The following DCDC2C variants were observed in gnomAD, a reference collection of about 807,000 sequenced individuals.
DCDC2C encodes doublecortin domain-containing protein 2C.
In DCDC2C, 44 loss-of-function variants were observed where a neutral mutation model predicts 45.0. The observed-to-expected ratio is 0.98, with a 90% confidence interval of 0.77 to 1.26. The LOEUF (loss-of-function observed/expected upper bound fraction) is 1.26, where lower values mean the gene tolerates loss of function less well. Among genes scored for constraint, DCDC2C ranks in the 50% most tolerant of loss-of-function variants. The probability of loss-of-function intolerance (pLI) is 0.00; values close to 1 mark genes in which losing one functional copy is unlikely to be tolerated. For missense variants in DCDC2C, 447 were observed against 468.9 expected, an observed-to-expected ratio of 0.95 and a Z score of 0.43; for synonymous variants, 187 against 178.8, an observed-to-expected ratio of 1.05 and a Z score of -0.37.
At chr2:3,755,873 T>C (rs1348171000) in intron 6 of DCDC2C, among the ~76,000 whole-genome samples, 2 of 152,170 alleles carry the variant, frequency 1.3e-5, no homozygotes, top group Admixed American at 1.3e-4. Context: ...GATGCATATG[T>C]GTGCATGTGT....
Position 3,785,113 on chromosome 2 carries a change from A to G in DCDC2C, c.1065+13A>G. On this transcript the variant is annotated intron_variant, in intron 10 of 10. Coordinates refer to ENST00000399143, the MANE Select transcript of DCDC2C (RefSeq NM_001287444.2). ...CGTTGAAAGAAAGGTTTGTATCAAC[A>G]ACAAATGCTGTAGTTTTGCGTTTTC... 8.1e-7 allele frequency: 1 copy of G among 1,231,724 alleles called. No individual in the cohort carries two copies. The highest frequency in any genetic ancestry group is 1.0e-6 in the Non-Finnish European group (1 of 987,918). The allele number at this position is 1,231,724 out of a possible 1,614,324, so 76.3% of individuals were successfully genotyped here. A position where few individuals can be genotyped will look rare whatever the true frequency, so the allele number is the denominator to read the frequency against.
intron 10 of DCDC2C, among the ~76,000 whole-genome samples, chr2:3,821,689 T>A (rs2148224609): frequency 6.6e-6 from 1 of 152,380 alleles, no homozygotes; most frequent in East Asian, 1.9e-4. Context: ...TTACATTGAT[T>A]GATTTTTCAA....
chr2:3,774,477 C>G (rs555267345), intron 8 of DCDC2C, among the ~76,000 whole-genome samples: 2 of 152,232 alleles, frequency 1.3e-5, no homozygotes, highest in African/African-American at 4.8e-5. Flanking sequence ...CACCTTTGGC[C>G]TTGGGCTTGT....
chr2:3,741,068 A>G (rs1669191461), intron 3 of DCDC2C, among the ~76,000 whole-genome samples: 1 of 152,216 alleles, frequency 6.6e-6, no homozygotes, highest in Non-Finnish European at 1.5e-5. Context: ...GTCTTTGATT[A>G]TGGCATAGTC....
At chr2:3,794,003 A>G (rs1010790740) in intron 10 of DCDC2C, among the ~76,000 whole-genome samples, 2 of 152,262 alleles carry the variant, frequency 1.3e-5, no homozygotes, top group African/African-American at 4.8e-5. Flanking sequence ...CTACACCAAA[A>G]CTTGACAAGT....
intron 10 of DCDC2C, among the ~76,000 whole-genome samples, chr2:3,791,632 T>G (rs188988678): frequency 5.9e-5 from 9 of 152,330 alleles, no homozygotes; most frequent in Non-Finnish European, 8.8e-5. Context: ...TCTCATCCTC[T>G]TTCCCTCTCC....
At chr2:3,816,197 A>G (rs1671554526) in intron 10 of DCDC2C, among the ~76,000 whole-genome samples, 1 of 152,208 alleles carries the variant, frequency 6.6e-6, no homozygotes, top group Admixed American at 6.5e-5. Flanking sequence ...GTGGTTTTGT[A>G]TGAATTGAGG....
chr2:3,798,310 T>C (rs2148198343), intron 10 of DCDC2C, among the ~76,000 whole-genome samples: 1 of 151,600 alleles, frequency 6.6e-6, no homozygotes, highest in Non-Finnish European at 1.5e-5. Context: ...CTGATGGGTC[T>C]TGACTCTTTA....
chr2:3,800,242 G>A (rs981412504), intron 10 of DCDC2C, among the ~76,000 whole-genome samples: 2 of 152,150 alleles, frequency 1.3e-5, no homozygotes, highest in African/African-American at 2.4e-5. Context: ...CACGGTGCGC[G>A]CACCCACTGA....
At chr2:3,730,546 G>A (rs564542031) in intron 3 of DCDC2C, among the ~76,000 whole-genome samples, 3 of 152,210 alleles carry the variant, frequency 2.0e-5, no homozygotes, top group South Asian at 2.1e-4. Flanking sequence ...GGGAAGAAGA[G>A]AGCCCCCTGC....
chr2:3,725,865 G>GA (rs1404234187), intron 2 of DCDC2C: 8 of 161,966 alleles, frequency 4.9e-5, no homozygotes, highest in East Asian at 1.9e-4. Context: ...GAGGCTGCCA[G>GA]GTGGATCCTG....
chr2:3,791,247 G>T (rs1239226779), intron 10 of DCDC2C, among the ~76,000 whole-genome samples: 1 of 152,206 alleles, frequency 6.6e-6, no homozygotes, highest in Non-Finnish European at 1.5e-5. Flanking sequence ...TGCTCTTCAT[G>T]AATAAAACAC....
intron 10 of DCDC2C, among the ~76,000 whole-genome samples, chr2:3,814,138 C>T (rs1309103503): frequency 6.6e-6 from 1 of 152,020 alleles, no homozygotes; most frequent in Non-Finnish European, 1.5e-5. Context: ...TTCCATTTTC[C>T]CCACCTCCTT....
intron 2 of DCDC2C, among the ~76,000 whole-genome samples, chr2:3,726,638 T>G (rs1258299078): frequency 6.6e-6 from 1 of 152,170 alleles, no homozygotes; most frequent in Non-Finnish European, 1.5e-5. Context: ...GCAAAGCTCC[T>G]CGGCATAGTA....
At chr2:3,781,726 C>G (rs1038271241) in intron 9 of DCDC2C, among the ~76,000 whole-genome samples, 12 of 152,004 alleles carry the variant, frequency 7.9e-5, no homozygotes, top group Admixed American at 5.2e-4. Flanking sequence ...AAAAGGTAGC[C>G]AGGTGCAGTG....
intron 10 of DCDC2C, among the ~76,000 whole-genome samples, chr2:3,813,002 G>C (rs57673215): frequency 5.4e-5 from 8 of 148,066 alleles, no homozygotes; most frequent in Non-Finnish European, 1.0e-4. Context: ...TTATGTGGTC[G>C]ATTTTAGAAT....
At chr2:3,755,644 T>C (rs911284568) in intron 6 of DCDC2C, among the ~76,000 whole-genome samples, 2 of 152,016 alleles carry the variant, frequency 1.3e-5, no homozygotes, top group Non-Finnish European at 2.9e-5. Flanking sequence ...TATGACTACA[T>C]ATGTGTGTGT....
chr2:3,837,807 G>A (rs1005041584), intron 10 of DCDC2C, among the ~76,000 whole-genome samples: 2 of 152,198 alleles, frequency 1.3e-5, no homozygotes, highest in African/African-American at 4.8e-5. Context: ...TGTGGAGTCC[G>A]TGCGTGGTGG....
intron 4 of DCDC2C, among the ~76,000 whole-genome samples, chr2:3,747,166 A>T (rs956966437): frequency 6.6e-6 from 1 of 152,156 alleles, no homozygotes; most frequent in Non-Finnish European, 1.5e-5. Context: ...CAGCACACAC[A>T]TGTGTGTTCC....
Sources: allele counts gnomAD v4.1 joint callset (sites outside exome capture counted in the v4.1 genomes callset), GRCh38; gene constraint gnomAD v4.1.1; transcripts MANE v1.5; gene names NCBI Gene and HGNC (gene_info 2026-07-23, HGNC 2026-07-21).